Variants in SOX5 observed in about 807,000 individuals in gnomAD.
The protein encoded by SOX5 is SRY-box transcription factor 5, also known as transcription factor SOX-5.
In SOX5, 9 loss-of-function variants were observed where a neutral mutation model predicts 92.0. The ratio of observed to expected loss-of-function variants is 0.10; its 90% CI spans 0.06 to 0.17. The LOEUF is 0.17. Ranked by LOEUF, SOX5 falls within the 10% of genes least tolerant of loss-of-function variation. The pLI is 1.00. For synonymous variants in SOX5, 344 were observed against 336.3 expected, an observed-to-expected ratio of 1.02 and a Z score of -0.25; for missense variants, 642 against 944.5, an observed-to-expected ratio of 0.68 and a Z score of 4.20.
intron 8 of SOX5, among the ~76,000 whole-genome samples, chr12:23,608,325 T>G (rs11610122): frequency 0.079 from 12,087 of 152,092 alleles, 652 homozygotes; most frequent in Non-Finnish European, 0.11. Context: ...AAACATTGCA[T>G]TCTCATTCTC....
chr12:24,408,450 G>T (rs370095349), intron 1 of SOX5, among the ~76,000 whole-genome samples: 1 of 152,094 alleles, frequency 6.6e-6, no homozygotes, highest in Non-Finnish European at 1.5e-5. Flanking sequence ...TCACAACCAC[G>T]ATACTGACAT....
chr12:23,970,841 A>ATAATT lies in SOX5; in HGVS notation c.-1-74818_-1-74817insAATTA. 8.6e-3 allele frequency among the ~76,000 whole-genome samples: 189 copies of ATAATT among 21,896 alleles called. 28 individuals are homozygous for ATAATT. The highest frequency in any genetic ancestry group is 0.023 in the African/African-American group (185 of 8,054). 14.4% of individuals were successfully genotyped at this position (21,896 alleles called of 152,430 possible). ...ACATGGGACTTTATATATATATATAATTTTTTTTTTTTTTTAAGAAATGGG... is the reference window on the plus strand; with the variant it reads ...ACATGGGACTTTATATATATATATAATAATTTTTTTTTTTTTTTTTAAGAAATGGG... On this transcript the variant is annotated intron_variant, in intron 4 of 4. Transcript: ENST00000446891.
chr12:24,419,272 A>G (rs1357612167), intron 1 of SOX5, among the ~76,000 whole-genome samples: 2 of 152,062 alleles, frequency 1.3e-5, no homozygotes, highest in East Asian at 1.9e-4. Context: ...CAAGTAGCTG[A>G]GATTACAGGT....
intron 1 of SOX5, among the ~76,000 whole-genome samples, chr12:24,372,547 G>C (rs1956846693): frequency 6.6e-6 from 1 of 152,122 alleles, no homozygotes; most frequent in Non-Finnish European, 1.5e-5. Context: ...GCACATTTGG[G>C]TTGGTTCCAA....
At chr12:24,209,326 T>C (rs1958347735) in intron 4 of SOX5, among the ~76,000 whole-genome samples, 1 of 152,148 alleles carries the variant, frequency 6.6e-6, no homozygotes, top group Non-Finnish European at 1.5e-5. Context: ...GAAGTAGGCA[T>C]GCCCTCTCCA....
chr12:24,176,906 A>G (rs969403276), intron 4 of SOX5, among the ~76,000 whole-genome samples: 1 of 152,122 alleles, frequency 6.6e-6, no homozygotes, highest in African/African-American at 2.4e-5. Context: ...CAATAGACCA[A>G]AGCATTGTTT....
intron 4 of SOX5, among the ~76,000 whole-genome samples, chr12:23,986,631 A>C (rs916356336): frequency 6.6e-6 from 1 of 152,176 alleles, no homozygotes; most frequent in Admixed American, 6.6e-5. Flanking sequence ...GGTACTAAAT[A>C]ACAGATTTGA....
rs35914700 is a variant in SOX5, at chr12:24,077,772, CATATATATATATATATATATAT to C, written c.-2+135549_-2+135570del. Among the ~76,000 whole-genome samples, 65 of 116,920 alleles carry C rather than the reference CATATATATATATATATATATAT, an allele frequency of 5.6e-4. 2 individuals are homozygous for C. The highest frequency in any genetic ancestry group is 6.6e-4 in the Non-Finnish European group (37 of 56,038). The allele number at this position is 116,920 out of a possible 152,430, so 76.7% of individuals were successfully genotyped here. The stretch of plus-strand genomic sequence containing the variant: ...GGTACTTCTCTTCGAAAGGTATTTT[CATATATATATATATATATATAT>C]ATATATATATATGCAGCTAAGTGAA... On this transcript the variant is annotated intron_variant, in intron 4 of 4. Coordinates refer to the SOX5 transcript ENST00000446891.
chr12:23,678,966 C>T (rs2086143025), intron 6 of SOX5, among the ~76,000 whole-genome samples: 1 of 151,896 alleles, frequency 6.6e-6, no homozygotes, highest in Admixed American at 6.6e-5. Context: ...ATGACAAAAA[C>T]CTTGACACAG....
chr12:24,385,944 A>AAG lies in SOX5; in HGVS notation c.-250-17307_-250-17306dup, dbSNP rs1274236091. On this transcript the variant is annotated intron_variant, in intron 1 of 4. Coordinates refer to the SOX5 transcript ENST00000446891. The stretch of plus-strand genomic sequence containing the variant: ...CTTGTCACAAAAAAAAAAAAAAAAA[A>AAG]AGAGAGAGAGATTTATGTGGCATTT... Among the ~76,000 whole-genome samples the AAG allele has an allele frequency of 3.0e-4, 42 of 140,990 alleles. 1 individual carries two copies. Among genetic ancestry groups the AAG allele is most frequent in the Non-Finnish European group, 2.0e-4 (13 of 65,904 alleles). 92.5% of individuals were successfully genotyped at this position (140,990 alleles called of 152,430 possible).
At chr12:23,803,250 C>T (rs949086058) in intron 3 of SOX5, among the ~76,000 whole-genome samples, 2 of 152,154 alleles carry the variant, frequency 1.3e-5, no homozygotes, top group African/African-American at 4.8e-5. Flanking sequence ...GTATGGCCCA[C>T]TGTTACCTCA....
At chr12:24,486,188 T>C (rs528260732) in intron 1 of SOX5, among the ~76,000 whole-genome samples, 2 of 152,234 alleles carry the variant, frequency 1.3e-5, no homozygotes, top group African/African-American at 4.8e-5. Flanking sequence ...CCTCCCACCT[T>C]GGCTTCCCAA....
intron 3 of SOX5, among the ~76,000 whole-genome samples, chr12:23,842,499 G>A (rs192965445): frequency 2.6e-5 from 4 of 152,232 alleles, no homozygotes; most frequent in East Asian, 3.9e-4. Flanking sequence ...GGAACGATAC[G>A]TCAGAAGCAA....
At chr12:24,155,881 A>C (rs1952114909) in intron 4 of SOX5, among the ~76,000 whole-genome samples, 1 of 152,140 alleles carries the variant, frequency 6.6e-6, no homozygotes, top group Non-Finnish European at 1.5e-5. Flanking sequence ...AGAGGTTAGG[A>C]GGAACAGTAG....
intron 3 of SOX5, among the ~76,000 whole-genome samples, chr12:24,241,344 C>T (rs989651195): frequency 2.0e-5 from 3 of 152,094 alleles, no homozygotes; most frequent in African/African-American, 4.8e-5. Context: ...TTACAAAAGC[C>T]TCTTTGTTTC....
chr12:23,802,408 C>A (rs1295485231), intron 3 of SOX5, among the ~76,000 whole-genome samples: 1 of 152,042 alleles, frequency 6.6e-6, no homozygotes, highest in Non-Finnish European at 1.5e-5. Flanking sequence ...CACATGAGAC[C>A]CAACTCAAAG....
chr12:23,845,814 A>G (rs1369781408), intron 3 of SOX5, among the ~76,000 whole-genome samples, 169 bp downstream of exon 3: 1 of 152,200 alleles, frequency 6.6e-6, no homozygotes, highest in African/African-American at 2.4e-5. Flanking sequence ...TGAGATAGAC[A>G]GGGCTAAGTG....
At chr12:24,466,233 T>G (rs1944220230) in intron 1 of SOX5, among the ~76,000 whole-genome samples, 1 of 151,970 alleles carries the variant, frequency 6.6e-6, no homozygotes, top group African/African-American at 2.4e-5. Flanking sequence ...TCCTTCTTTC[T>G]TCTTCTTTTC....
upstream of SOX5, chr12:23,950,724 G>A (rs943800143): frequency 5.5e-6 from 4 of 730,714 alleles, no homozygotes; most frequent in East Asian, 8.2e-5. Flanking sequence ...TGGCTTTACA[G>A]ATTCTAAGCT....
Sources: gnomAD v4.1 joint callset for allele counts (sites outside exome capture counted in the v4.1 genomes callset) on GRCh38, gnomAD v4.1.1 for gene constraint, MANE v1.5 for transcripts, NCBI Gene and HGNC (gene_info 2026-07-23, HGNC 2026-07-21) for gene names.